RAB43: variants seen among roughly 807,000 people sequenced by gnomAD.
RAB43 encodes the protein RAB43, member RAS oncogene family.
In RAB43, 6 loss-of-function variants were observed where a neutral mutation model predicts 18.8. That is an observed-to-expected ratio of 0.32 (90% confidence interval 0.17 to 0.63). The LOEUF is 0.63. Among genes scored for constraint, RAB43 ranks in the 30% least tolerant of loss-of-function variants. The pLI, the probability that RAB43 is intolerant of heterozygous loss-of-function variation, is 0.79. For synonymous variants in RAB43, 103 were observed against 124.1 expected (o/e 0.83, Z 1.13); for missense variants, 195 against 289.1 (o/e 0.67, Z 2.36).
chr3:129,121,073 C>A (rs1025135038), intron 1 of RAB43, among the ~76,000 whole-genome samples: 5 of 147,234 alleles, frequency 3.4e-5, no homozygotes, highest in South Asian at 2.2e-4. Flanking sequence ...CCCTCGCCCC[C>A]CCCCCCCCCA....
At chr3:129,097,476 A>T (rs899606013) in intron 1 of RAB43, among the ~76,000 whole-genome samples, 2 of 152,236 alleles carry the variant, frequency 1.3e-5, no homozygotes, top group Admixed American at 6.5e-5. Context: ...AGGCACTCCC[A>T]GACATACAGT....
In RAB43 at chr3:129,121,685, C is replaced by CCGGCCCGGCT; in HGVS notation, c.-206_-197dup. ...CGCCCCACCCCGGCTGGCTCCCGCC[C>CCGGCCCGGCT]CGGCCCGGCTCGGCCCCGCCCGGAC... On this transcript the variant is annotated 5_prime_UTR_variant, in exon 1 of 3. Transcript: ENST00000315150. 1 of 382,618 alleles carries CCGGCCCGGCT rather than the reference C, an allele frequency of 2.6e-6. No homozygotes were observed. 23.7% of individuals were successfully genotyped at this position (382,618 alleles called of 1,614,324 possible). A position where few individuals can be genotyped will look rare whatever the true frequency, so the allele number is the denominator to read the frequency against.
rs1436089260 is a variant in RAB43, at chr3:129,089,908, G to C, written c.*1188C>G. 3.4e-5 allele frequency: 5 copies of C among 146,968 alleles called. No homozygotes were observed. Among genetic ancestry groups the C allele is most frequent in the Non-Finnish European group, 7.5e-5 (5 of 66,912 alleles). The allele number at this position is 146,968 out of a possible 1,614,324, so 9.1% of individuals were successfully genotyped here. On this transcript the variant is annotated 3_prime_UTR_variant, in exon 3 of 3. Coordinates refer to ENST00000315150, the MANE Select transcript of RAB43 (RefSeq NM_198490.3). ...CATGCTGAGGGGGCTGCGAGGCAGA[G>C]CTGGGCTGACACAGACGGACTGGGA...
At chr3:129,116,659 C>CTT (rs1310412372) in intron 1 of RAB43, among the ~76,000 whole-genome samples, 15 of 152,304 alleles carry the variant, frequency 9.8e-5, no homozygotes, top group African/African-American at 3.4e-4. Context: ...GCCAAAGGTC[C>CTT]TGAAATCTGG....
At chr3:129,113,795 G>A (rs1935325259) in intron 1 of RAB43, among the ~76,000 whole-genome samples, 1 of 152,168 alleles carries the variant, frequency 6.6e-6, no homozygotes, top group East Asian at 1.9e-4. Flanking sequence ...TTGGGAGGCT[G>A]AGGCAGGCAG....
intron 2 of RAB43, among the ~76,000 whole-genome samples, chr3:129,092,862 A>G (rs1326971380): frequency 6.6e-6 from 1 of 151,872 alleles, no homozygotes; most frequent in Non-Finnish European, 1.5e-5. Context: ...AGGCTGAGGC[A>G]GGAGAATGGT....
intron 2 of RAB43, 57 bp from the exon 3 acceptor site, chr3:129,091,403 A>G: frequency 6.5e-7 from 1 of 1,549,988 alleles, no homozygotes; most frequent in East Asian, 2.4e-5. Context: ...GCCCAGTCCC[A>G]CCTGGGAGGG....
In RAB43 at chr3:129,121,079, C is replaced by A. The variant is rs913616045; in HGVS notation, c.204+207G>T. Reference sequence around the variant, plus strand: ...CTCCACACTCCCTCGCCCCCCCCCCCCCCAGCAACCCACGGCCGGCGCTTT... The same window carrying A: ...CTCCACACTCCCTCGCCCCCCCCCCACCCAGCAACCCACGGCCGGCGCTTT... On this transcript the variant is annotated intron_variant, in intron 1 of 2. Transcript: ENST00000315150. 6.1e-5 allele frequency among the ~76,000 whole-genome samples: 9 copies of A among 148,704 alleles called. 1 individual carries two copies. Among genetic ancestry groups the A allele is most frequent in the East Asian group, 2.0e-4 (1 of 5,096 alleles).
intron 1 of RAB43, among the ~76,000 whole-genome samples, chr3:129,119,955 A>T (rs755517604): frequency 6.6e-5 from 10 of 151,692 alleles, no homozygotes; most frequent in Non-Finnish European, 1.5e-4. Context: ...AATAACGGAC[A>T]CTCCACCCAC....
chr3:129,102,341 A>G (rs1326671418), intron 1 of RAB43, among the ~76,000 whole-genome samples: 1 of 152,114 alleles, frequency 6.6e-6, no homozygotes, highest in Non-Finnish European at 1.5e-5. Context: ...TTGTTTTTAA[A>G]ATATCACAGC....
intron 1 of RAB43, among the ~76,000 whole-genome samples, chr3:129,115,968 G>A (rs1340554472): frequency 6.6e-6 from 1 of 152,220 alleles, no homozygotes; most frequent in Non-Finnish European, 1.5e-5. Flanking sequence ...AGCATGTACT[G>A]TATCACAGTG....
chr3:129,107,901 TCAA>T lies in RAB43; in HGVS notation c.205-12735_205-12733del, dbSNP rs1319506772. 6.6e-6 allele frequency among the ~76,000 whole-genome samples: 1 copy of T among 152,054 alleles called. No individual in the cohort carries two copies. The highest frequency in any genetic ancestry group is 1.5e-5 in the Non-Finnish European group (1 of 67,996). On this transcript the variant is annotated intron_variant, in intron 1 of 2. Coordinates refer to ENST00000315150, the MANE Select transcript of RAB43 (RefSeq NM_198490.3). This position sits in a 1 kb window ranked among gnomAD's most constrained non-coding sequence, Gnocchi z 4.2. ...CCCTCCAAGCCACTCGGTCACCTCT[TCAA>T]CTCTCTAGAGCAAACCCTCCTCCCC...
At chr3:129,109,849 G>A (rs188374215) in intron 1 of RAB43, among the ~76,000 whole-genome samples, 1 of 151,880 alleles carries the variant, frequency 6.6e-6, no homozygotes, top group Non-Finnish European at 1.5e-5. Context: ...GAAAGTAAAA[G>A]TGTGCTTGGT....
chr3:129,110,531 A>C (rs974991972), intron 1 of RAB43, among the ~76,000 whole-genome samples: 1 of 152,234 alleles, frequency 6.6e-6, no homozygotes, highest in African/African-American at 2.4e-5. Flanking sequence ...AAGGCAAGTA[A>C]GGGCATAATG....
At chr3:129,110,568 G>A (rs1430174367) in intron 1 of RAB43, among the ~76,000 whole-genome samples, 2 of 152,242 alleles carry the variant, frequency 1.3e-5, no homozygotes, top group Non-Finnish European at 2.9e-5. Context: ...GCTGGGCGCG[G>A]TGGCTCACGC....
chr3:129,120,717 G>A (rs111492001), intron 1 of RAB43, among the ~76,000 whole-genome samples: 1,538 of 152,316 alleles, frequency 0.01, 24 homozygotes, highest in African/African-American at 0.035. Context: ...GTCGAGTAAA[G>A]TTCCACCACC....
In RAB43 at chr3:129,107,551, G is replaced by A. The variant is rs891930603; in HGVS notation, c.205-12382C>T. On this transcript the variant is annotated intron_variant, in intron 1 of 2. Coordinates refer to ENST00000315150, the MANE Select transcript of RAB43 (RefSeq NM_198490.3). The surrounding 1 kb of genome is among the most constrained non-coding windows in gnomAD (Gnocchi z 4.2). ...AATGAGGAAACCAAGGCAGCGTGCAGGAGCTCGCGGTGGGCACCGCTCAGC... is the reference window on the plus strand; with the variant it reads ...AATGAGGAAACCAAGGCAGCGTGCAAGAGCTCGCGGTGGGCACCGCTCAGC... 2.0e-5 allele frequency among the ~76,000 whole-genome samples: 3 copies of A among 152,190 alleles called. No individual in the cohort carries two copies. The highest frequency in any genetic ancestry group is 4.4e-5 in the Non-Finnish European group (3 of 68,038).
intron 1 of RAB43, among the ~76,000 whole-genome samples, chr3:129,119,903 C>A (rs1458249090): frequency 1.3e-5 from 2 of 152,128 alleles, no homozygotes; most frequent in Non-Finnish European, 2.9e-5. Context: ...TTTTCACACT[C>A]CCATTTCCCT....
At chr3:129,109,193 G>A (rs981177662) in intron 1 of RAB43, among the ~76,000 whole-genome samples, 1 of 151,606 alleles carries the variant, frequency 6.6e-6, no homozygotes, top group Non-Finnish European at 1.5e-5. Context: ...GGCGGATCAC[G>A]AGGTCAGGAG....
Sources: gnomAD v4.1 joint callset for allele counts (sites outside exome capture counted in the v4.1 genomes callset) on GRCh38, gnomAD v4.1.1 for gene constraint, Gnocchi (gnomAD v3.1) non-coding constraint, MANE v1.5 for transcripts, NCBI Gene and HGNC (gene_info 2026-07-23, HGNC 2026-07-21) for gene names.